CTNNA3: variants seen among roughly 807,000 people sequenced by gnomAD.
The protein encoded by CTNNA3 is catenin alpha 3, also known as catenin alpha-3.
In CTNNA3, 76 loss-of-function variants were observed where a neutral mutation model predicts 95.7. That is an observed-to-expected ratio of 0.79 (90% confidence interval 0.66 to 0.96). The LOEUF (loss-of-function observed/expected upper bound fraction) is 0.96, where lower values mean the gene tolerates loss of function less well. CTNNA3 is among the 40% of genes least tolerant of loss of function. CTNNA3 has a pLI of 0.00. For missense variants in CTNNA3, 1,191 were observed against 1,089.8 expected (o/e 1.09, Z -1.31); for synonymous variants, 431 against 374.4 (o/e 1.15, Z -1.74).
At chr10:66,328,323 T>A (rs1000189038) in intron 12 of CTNNA3, among the ~76,000 whole-genome samples, 1 of 152,234 alleles carries the variant, frequency 6.6e-6, no homozygotes, top group South Asian at 2.1e-4. Context: ...GTAGCAGATG[T>A]GAGATTCAAA....
At chr10:67,508,204 G>A (rs1208065237) in intron 5 of CTNNA3, among the ~76,000 whole-genome samples, 3 of 152,020 alleles carry the variant, frequency 2.0e-5, no homozygotes, top group African/African-American at 7.2e-5. Flanking sequence ...CAGAAACAGG[G>A]TTTTGCCATG....
chr10:67,468,250 C>T (rs1430403055), intron 5 of CTNNA3, among the ~76,000 whole-genome samples: 1 of 151,624 alleles, frequency 6.6e-6, no homozygotes, highest in Non-Finnish European at 1.5e-5. Flanking sequence ...GGGAATAGGC[C>T]AGTTGTGGTG....
intron 1 of CTNNA3, among the ~76,000 whole-genome samples, chr10:67,650,454 C>T (rs1220666959): frequency 6.6e-6 from 1 of 152,148 alleles, no homozygotes; most frequent in Admixed American, 6.5e-5. Context: ...AATCTCTTGA[C>T]AGTGGTGATA....
At chr10:66,697,079 C>T (rs368213151) in intron 9 of CTNNA3, among the ~76,000 whole-genome samples, 1 of 151,970 alleles carries the variant, frequency 6.6e-6, no homozygotes, top group Non-Finnish European at 1.5e-5. Context: ...AACTGCCCAT[C>T]CACAAAATAT....
intron 12 of CTNNA3, among the ~76,000 whole-genome samples, chr10:66,318,906 G>C (rs1335995041): frequency 6.7e-6 from 1 of 149,322 alleles, no homozygotes; most frequent in Non-Finnish European, 1.5e-5. Flanking sequence ...CACCTTAAAG[G>C]TAGAAGTATT....
rs143948001 is a variant in CTNNA3, at chr10:67,645,338, C to G, written c.99+2077G>C. 9.9e-5 allele frequency among the ~76,000 whole-genome samples: 15 copies of G among 152,168 alleles called. No individual in the cohort carries two copies. The East Asian group carries it at 2.5e-3, about 25-fold the overall frequency. On this transcript the variant is annotated intron_variant, in intron 2 of 17. Transcript: ENST00000433211. ...AGTTAGAATATAAAAAGTAGTTTCCCCATGATACTCTCTCTGTTTATAAGC... is the reference window on the plus strand; with the variant it reads ...AGTTAGAATATAAAAAGTAGTTTCCGCATGATACTCTCTCTGTTTATAAGC...
chr10:66,513,159 A>G (rs1840721372), intron 11 of CTNNA3, among the ~76,000 whole-genome samples: 4 of 152,112 alleles, frequency 2.6e-5, no homozygotes, highest in African/African-American at 9.7e-5. Context: ...TTGTTTGCAT[A>G]GTGATATCCC....
chr10:66,685,178 CAT>C (rs34906544), intron 9 of CTNNA3, among the ~76,000 whole-genome samples: 7,146 of 126,398 alleles, frequency 0.057, 254 homozygotes, highest in Admixed American at 0.077. Context: ...TATATATACA[CAT>C]ATATATATAC....
intron 7 of CTNNA3, among the ~76,000 whole-genome samples, chr10:66,873,484 T>C (rs1472831974): frequency 1.3e-5 from 2 of 152,180 alleles, no homozygotes; most frequent in Admixed American, 1.3e-4. Flanking sequence ...TGAACTTTTT[T>C]TTTCATGTTT....
At chr10:66,937,793 C>T (rs1847790246) in intron 7 of CTNNA3, among the ~76,000 whole-genome samples, 1 of 152,112 alleles carries the variant, frequency 6.6e-6, no homozygotes, top group Admixed American at 6.5e-5. Context: ...GCCCTTCCTC[C>T]CTCCCAAGTC....
At chr10:67,511,243 T>A (rs1292181649) in intron 5 of CTNNA3, among the ~76,000 whole-genome samples, 1 of 152,220 alleles carries the variant, frequency 6.6e-6, no homozygotes, top group Non-Finnish European at 1.5e-5. Flanking sequence ...ATAGGAGTGG[T>A]GAGAGAGGGC....
At position 66,233,109 on chromosome 10, in the gene CTNNA3, G is replaced by A. The variant is rs549765010; in HGVS notation, c.1884+47361C>T. 9.8e-4 allele frequency among the ~76,000 whole-genome samples: 131 copies of A among 133,742 alleles called. 1 individual carries two copies. The highest frequency in any genetic ancestry group is 2.1e-3 in the South Asian group (9 of 4,218). The allele number at this position is 133,742 out of a possible 152,430, so 87.7% of individuals were successfully genotyped here. A position where few individuals can be genotyped will look rare whatever the true frequency, so the allele number is the denominator to read the frequency against. On this transcript the variant is annotated intron_variant, in intron 13 of 17. Transcript: ENST00000433211. ...CGGGAGGCGGAGCTTGTAGTGAGCC[G>A]AGATCGCGCCACTGCACTCCAGCCT...
intron 7 of CTNNA3, among the ~76,000 whole-genome samples, chr10:67,016,767 C>A (rs955505517): frequency 3.9e-5 from 6 of 152,126 alleles, no homozygotes; most frequent in African/African-American, 1.2e-4. Flanking sequence ...AGTTGTGAGG[C>A]TTCCTTGCTT....
chr10:66,215,915 T>C (rs778540614), intron 13 of CTNNA3, among the ~76,000 whole-genome samples: 2 of 152,202 alleles, frequency 1.3e-5, no homozygotes, highest in African/African-American at 4.8e-5. Context: ...ACACTACCTC[T>C]CCATTCCCTT....
intron 13 of CTNNA3, among the ~76,000 whole-genome samples, chr10:66,212,221 C>G (rs2088214774): frequency 6.6e-6 from 1 of 152,002 alleles, no homozygotes; most frequent in Non-Finnish European, 1.5e-5. Context: ...AACTCCTGAC[C>G]TTACGTGATC....
intron 7 of CTNNA3, among the ~76,000 whole-genome samples, chr10:67,139,399 A>G (rs1049159101): frequency 6.7e-6 from 1 of 148,734 alleles, no homozygotes; most frequent in African/African-American, 2.5e-5. Flanking sequence ...CGCTCGCCTC[A>G]GCCTCCCAAA....
At chr10:66,117,674 G>A (rs2082397956) in intron 13 of CTNNA3, among the ~76,000 whole-genome samples, 1 of 152,140 alleles carries the variant, frequency 6.6e-6, no homozygotes, top group Non-Finnish European at 1.5e-5. Flanking sequence ...TAATAAGGCT[G>A]GCAATATGGC....
chr10:66,192,444 G>A (rs900542422), intron 13 of CTNNA3, among the ~76,000 whole-genome samples: 4 of 152,076 alleles, frequency 2.6e-5, no homozygotes, highest in African/African-American at 7.2e-5. Flanking sequence ...TGATATTCCC[G>A]TCATTTTAAT....
chr10:66,819,350 C>G (rs1842216470), intron 7 of CTNNA3, among the ~76,000 whole-genome samples: 1 of 151,910 alleles, frequency 6.6e-6, no homozygotes, highest in South Asian at 2.1e-4. Context: ...TAAAACGAAT[C>G]AAAGATCTAA....
Sources: gnomAD v4.1 joint callset for allele counts (sites outside exome capture counted in the v4.1 genomes callset) on GRCh38, gnomAD v4.1.1 for gene constraint, MANE v1.5 for transcripts, NCBI Gene and HGNC (gene_info 2026-07-23, HGNC 2026-07-21) for gene names.